The following PPP1R9A variants were observed in gnomAD, a reference collection of about 807,000 sequenced individuals.
The protein encoded by PPP1R9A is protein phosphatase 1 regulatory subunit 9A.
PPP1R9A carries 59 observed loss-of-function variants against 141.9 expected under a neutral mutation model. The ratio of observed to expected loss-of-function variants is 0.42; its 90% CI spans 0.34 to 0.52. PPP1R9A has a LOEUF of 0.52. Among genes scored for constraint, PPP1R9A ranks in the 20% least tolerant of loss-of-function variants. PPP1R9A has a pLI of 0.10. For missense variants in PPP1R9A, 1,444 were observed against 1,611.9 expected (o/e 0.90, Z 1.78); for synonymous variants, 500 against 569.7 (o/e 0.88, Z 1.74).
chr7:95,025,652 A>G (rs6947061), intron 2 of PPP1R9A, among the ~76,000 whole-genome samples: 55,554 of 151,830 alleles, frequency 0.37, 11,345 homozygotes, highest in Middle Eastern at 0.5. Context: ...TCCTGGATAA[A>G]ATCCTGAAGA....
intron 3 of PPP1R9A, among the ~76,000 whole-genome samples, chr7:95,113,540 A>G (rs1303689911): frequency 6.6e-6 from 1 of 152,222 alleles, no homozygotes; most frequent in Admixed American, 6.5e-5. Flanking sequence ...ATACCCAACC[A>G]AACAAACAAG....
At chr7:94,954,515 T>C (rs1796854086) in intron 2 of PPP1R9A, among the ~76,000 whole-genome samples, 1 of 151,990 alleles carries the variant, frequency 6.6e-6, no homozygotes, top group Non-Finnish European at 1.5e-5. Context: ...TTAAAGTCTT[T>C]TATTTGCAAT....
At chr7:94,999,559 A>G (rs994213749) in intron 2 of PPP1R9A, among the ~76,000 whole-genome samples, 2 of 152,204 alleles carry the variant, frequency 1.3e-5, no homozygotes, top group Admixed American at 6.5e-5. Flanking sequence ...AGTTATACAT[A>G]TGTCCTCAGA....
chr7:95,233,944 A>G (rs1796327422), intron 8 of PPP1R9A, among the ~76,000 whole-genome samples: 1 of 152,218 alleles, frequency 6.6e-6, no homozygotes, highest in South Asian at 2.1e-4. Flanking sequence ...GGTCATCTCA[A>G]TAGATGCAGA....
intron 2 of PPP1R9A, among the ~76,000 whole-genome samples, chr7:95,080,324 G>A (rs1815600593): frequency 6.6e-6 from 1 of 151,740 alleles, no homozygotes; most frequent in African/African-American, 2.4e-5. Context: ...AATCATGAGT[G>A]AACTCCCATT....
At chr7:95,179,610 A>C (rs920650064) in intron 5 of PPP1R9A, among the ~76,000 whole-genome samples, 1 of 152,096 alleles carries the variant, frequency 6.6e-6, no homozygotes, top group Admixed American at 6.5e-5. Flanking sequence ...ATGATCATTT[A>C]CTTCAAAAAC....
At chr7:95,281,148 G>A (rs2153072953) in intron 16 of PPP1R9A, among the ~76,000 whole-genome samples, 1 of 152,244 alleles carries the variant, frequency 6.6e-6, no homozygotes, top group African/African-American at 2.4e-5. Flanking sequence ...AAGGATACTA[G>A]CAAGTACCCA....
chr7:95,168,690 A>C (rs1236936227), intron 5 of PPP1R9A, among the ~76,000 whole-genome samples: 1 of 152,092 alleles, frequency 6.6e-6, no homozygotes, highest in East Asian at 1.9e-4. Context: ...AAGCAACAGT[A>C]AAAAAGCAAA....
chr7:95,061,943 A>C (rs898869991), intron 2 of PPP1R9A, among the ~76,000 whole-genome samples: 23 of 152,220 alleles, frequency 1.5e-4, no homozygotes, highest in Non-Finnish European at 7.3e-5. Flanking sequence ...TAGTGACTTG[A>C]ACAAACTTGT....
At chr7:95,147,997 G>T (rs1827952748) in intron 4 of PPP1R9A, among the ~76,000 whole-genome samples, 2 of 151,930 alleles carry the variant, frequency 1.3e-5, no homozygotes, top group South Asian at 4.1e-4. Context: ...AAAATATTTT[G>T]ACCTCATTGA....
At chr7:94,994,598 T>A (rs1801926635) in intron 2 of PPP1R9A, among the ~76,000 whole-genome samples, 1 of 152,160 alleles carries the variant, frequency 6.6e-6, no homozygotes, top group African/African-American at 2.4e-5. Context: ...ATTAATTTTT[T>A]AAAAAACTAA....
intron 2 of PPP1R9A, among the ~76,000 whole-genome samples, chr7:95,083,845 T>G (rs960424098): frequency 2.0e-5 from 3 of 151,900 alleles, no homozygotes; most frequent in African/African-American, 7.3e-5. Context: ...AAACACTAAG[T>G]TCACAGATCC....
At chr7:95,142,572 A>G (rs1003375680) in intron 4 of PPP1R9A, among the ~76,000 whole-genome samples, 2 of 152,098 alleles carry the variant, frequency 1.3e-5, no homozygotes, top group African/African-American at 2.4e-5. Flanking sequence ...ATTCTTTTCC[A>G]TATGGATATT....
chr7:95,131,369 C>T (rs1329580701), intron 4 of PPP1R9A, among the ~76,000 whole-genome samples: 1 of 152,170 alleles, frequency 6.6e-6, no homozygotes. Flanking sequence ...ACTGTAAGTC[C>T]AATAAACCTT....
At chr7:95,236,965 T>G (rs898672540) in intron 8 of PPP1R9A, among the ~76,000 whole-genome samples, 1 of 151,646 alleles carries the variant, frequency 6.6e-6, no homozygotes, top group Non-Finnish European at 1.5e-5. Context: ...GAACTTTATT[T>G]TGCTATATTG....
At chr7:95,154,926 T>G (rs546897938) in intron 4 of PPP1R9A, 4 of 152,156 alleles carry the variant, frequency 2.6e-5, no homozygotes, top group Non-Finnish European at 4.4e-5. Flanking sequence ...ATGTCTCATA[T>G]GAAGGACAAG....
intron 2 of PPP1R9A, among the ~76,000 whole-genome samples, chr7:94,948,630 G>T (rs558565584): frequency 3.3e-5 from 5 of 152,232 alleles, no homozygotes; most frequent in African/African-American, 1.2e-4. Flanking sequence ...AGTATAGCTA[G>T]CTTTCCCCTC....
chr7:95,009,688 A>T (rs374535077), intron 2 of PPP1R9A, among the ~76,000 whole-genome samples: 16 of 152,324 alleles, frequency 1.1e-4, no homozygotes, highest in East Asian at 7.7e-4. Flanking sequence ...CCAAGCAACT[A>T]GGAGCTTGGA....
chr7:94,998,282 A>G (rs1452900088), intron 2 of PPP1R9A, among the ~76,000 whole-genome samples: 1 of 152,142 alleles, frequency 6.6e-6, no homozygotes, highest in African/African-American at 2.4e-5. Context: ...GTTGGTCTCT[A>G]CCTAACACCA....
Sources: allele counts gnomAD v4.1 joint callset (sites outside exome capture counted in the v4.1 genomes callset), GRCh38; gene constraint gnomAD v4.1.1; transcripts MANE v1.5; gene names NCBI Gene and HGNC (gene_info 2026-07-23, HGNC 2026-07-21).